ENKUR: variants seen among roughly 807,000 people sequenced by gnomAD.
ENKUR encodes the protein enkurin.
In ENKUR, 19 loss-of-function variants were observed where a neutral mutation model predicts 27.6. The observed-to-expected ratio is 0.69, with a 90% CI of 0.48 to 1.01. The LOEUF is 1.01. Among genes scored for constraint, ENKUR ranks in the 50% least tolerant of loss-of-function variants. The pLI, the probability that ENKUR is intolerant of heterozygous loss-of-function variation, is 0.00. For missense variants in ENKUR, 312 were observed against 310.5 expected, an observed-to-expected ratio of 1.00 and a Z score of -0.04; for synonymous variants, 117 against 96.9, an observed-to-expected ratio of 1.21 and a Z score of -1.22.
chr10:24,984,430 G>T, intron 5 of ENKUR, 54 bp from the exon 6 acceptor site: 1 of 1,548,696 alleles, frequency 6.5e-7, no homozygotes. Flanking sequence ...TTATTTTTCA[G>T]GACCTAGAAA....
chr10:25,029,485 C>T (rs1243228753), intron 2 of ENKUR, among the ~76,000 whole-genome samples: 1 of 151,890 alleles, frequency 6.6e-6, no homozygotes, highest in African/African-American at 2.4e-5. Context: ...TCATGGATGG[C>T]AAATATTGTT....
At chr10:25,037,145 G>A (rs1455328534) in intron 2 of ENKUR, among the ~76,000 whole-genome samples, 1 of 152,196 alleles carries the variant, frequency 6.6e-6, no homozygotes, top group Non-Finnish European at 1.5e-5. Context: ...AATCAAGCAG[G>A]ATCCATGAGT....
intron 1 of ENKUR, among the ~76,000 whole-genome samples, chr10:25,007,508 C>A (rs1402898278): frequency 6.6e-6 from 1 of 152,182 alleles, no homozygotes; most frequent in East Asian, 1.9e-4. Context: ...CATCTCGGCT[C>A]ACTGCAAGCT....
At chr10:24,985,025 TA>T in intron 4 of ENKUR, 120 bp from the exon 5 acceptor site, 1 of 800,622 alleles carries the variant, frequency 1.2e-6, no homozygotes, top group Non-Finnish European at 2.0e-6. Context: ...AAATAACTTC[TA>T]AAATGAAATG....
chr10:25,015,305 T>C (rs1026231514), intron 1 of ENKUR, among the ~76,000 whole-genome samples: 1 of 152,218 alleles, frequency 6.6e-6, no homozygotes, highest in Non-Finnish European at 1.5e-5. Flanking sequence ...TTTAAACCAT[T>C]AGATCTGAAA....
intron 2 of ENKUR, among the ~76,000 whole-genome samples, chr10:25,055,095 C>G (rs1328933237): frequency 6.6e-6 from 1 of 152,132 alleles, no homozygotes; most frequent in Non-Finnish European, 1.5e-5. Context: ...TCTTTTAATT[C>G]CAACTTCTGT....
chr10:25,014,846 T>C (rs1396192979), intron 1 of ENKUR, among the ~76,000 whole-genome samples: 1 of 152,240 alleles, frequency 6.6e-6, no homozygotes, highest in Non-Finnish European at 1.5e-5. Context: ...AGAAGCTGCC[T>C]ACTTGTTGAA....
intron 2 of ENKUR, among the ~76,000 whole-genome samples, chr10:25,041,861 C>A (rs536244556): frequency 6.6e-6 from 1 of 152,080 alleles, no homozygotes; most frequent in Admixed American, 6.5e-5. Context: ...ATGAAAGACA[C>A]AAAAGACTAT....
chr10:25,025,654 G>A, intron 2 of ENKUR: 1 of 593,116 alleles, frequency 1.7e-6, no homozygotes, highest in East Asian at 2.9e-5. Context: ...GTGACAAAAG[G>A]TAACACAGTG....
At chr10:25,035,508 T>C (rs1167455529) in intron 2 of ENKUR, among the ~76,000 whole-genome samples, 1 of 151,782 alleles carries the variant, frequency 6.6e-6, no homozygotes, top group East Asian at 1.9e-4. Context: ...TGAGCTGAGA[T>C]TGCACCATTG....
intron 2 of ENKUR, chr10:25,024,553 AT>A (rs753815865): frequency 1.2e-6 from 2 of 1,614,210 alleles, no homozygotes; most frequent in South Asian, 2.2e-5. Flanking sequence ...CCAGACAGCT[AT>A]AAAAAGAATT....
Position 24,999,472 on chromosome 10 carries a change from G to T in ENKUR, c.152C>A (p.Pro51Gln). Residue 51 changes from proline (P) to glutamine (Q), a missense_variant, in exon 2 of 6, where the codon CCA becomes CAA. Transcript: ENST00000331161. Reference protein sequence around the residue: ...KAKTAMKTMGPAKVEVPSPKD... With the variant: ...KAKTAMKTMGQAKVEVPSPKD... ...TGGAGAAGGTACTTCAACTTTTGCTGGTCCCATAGTTTTCATTGCAGTTTT... is the reference window on the plus strand; with the variant it reads ...TGGAGAAGGTACTTCAACTTTTGCTTGTCCCATAGTTTTCATTGCAGTTTT... 6.2e-7 allele frequency: 1 copy of T among 1,613,126 alleles called. No individual in the cohort carries two copies. The highest frequency in any genetic ancestry group is 1.7e-5 in the Admixed American group (1 of 59,912).
At chr10:25,054,500 T>TCTTTCTTTC (rs1564358672) in intron 2 of ENKUR, among the ~76,000 whole-genome samples, 6 of 140,802 alleles carry the variant, frequency 4.3e-5, no homozygotes, top group Non-Finnish European at 7.7e-5. Context: ...TTTCTTTCTT[T>TCTTTCTTTC]CTTTCTTTCT....
At chr10:25,018,460 T>C (rs1850654071), upstream of ENKUR, among the ~76,000 whole-genome samples, 1 of 152,198 alleles carries the variant, frequency 6.6e-6, no homozygotes, top group Non-Finnish European at 1.5e-5. Flanking sequence ...TACTCAGTTT[T>C]GCCATTGTAG....
At chr10:24,985,528 G>A (rs1849760278) in intron 4 of ENKUR, among the ~76,000 whole-genome samples, 1 of 152,160 alleles carries the variant, frequency 6.6e-6, no homozygotes, top group Non-Finnish European at 1.5e-5. Flanking sequence ...ATAAATGATT[G>A]AAAGGTCATT....
chr10:24,995,950 ACC>A, intron 2 of ENKUR, 81 bp from the exon 3 acceptor site: 1 of 1,156,458 alleles, frequency 8.6e-7, no homozygotes, highest in Non-Finnish European at 1.2e-6. Flanking sequence ...CAGATATTTC[ACC>A]ACTTGTATAT....
At chr10:25,024,123 C>T (rs1390556377) in intron 2 of ENKUR, 1 of 1,614,040 alleles carries the variant, frequency 6.2e-7, no homozygotes, top group African/African-American at 1.3e-5. Context: ...AAAGATGTAT[C>T]CATCCTGCAG....
chr10:25,031,877 T>C (rs1480226748), intron 2 of ENKUR, among the ~76,000 whole-genome samples: 3 of 152,058 alleles, frequency 2.0e-5, no homozygotes, highest in African/African-American at 7.2e-5. Context: ...TTTTGCTATG[T>C]TGCCTAGACT....
intron 2 of ENKUR, among the ~76,000 whole-genome samples, chr10:25,042,336 T>C (rs1480650247): frequency 6.6e-6 from 1 of 151,124 alleles, no homozygotes; most frequent in Non-Finnish European, 1.5e-5. Flanking sequence ...TCACCCAGGC[T>C]GGAGTACAAT....
Sources: gnomAD v4.1 joint callset for allele counts (sites outside exome capture counted in the v4.1 genomes callset) on GRCh38, gnomAD v4.1.1 for gene constraint, MANE v1.5 for transcripts, NCBI Gene and HGNC (gene_info 2026-07-23, HGNC 2026-07-21) for gene names.